Variants in APBA1 observed in about 807,000 individuals in gnomAD.
The protein encoded by APBA1 is amyloid-beta A4 precursor protein-binding family A member 1.
In APBA1, 55 loss-of-function variants were observed where a neutral mutation model predicts 86.6. The ratio of observed to expected loss-of-function variants is 0.64; its 90% CI spans 0.51 to 0.80. The LOEUF is 0.80. APBA1 is among the 30% of genes least tolerant of loss of function. The pLI is 0.00. For synonymous variants in APBA1, 511 were observed against 493.9 expected (o/e 1.03, Z -0.46); for missense variants, 1,090 against 1,183.0 (o/e 0.92, Z 1.15).
chr9:69,546,504 G>T (rs1836700038), intron 1 of APBA1, among the ~76,000 whole-genome samples: 1 of 152,174 alleles, frequency 6.6e-6, no homozygotes, highest in Non-Finnish European at 1.5e-5. Context: ...CACGGTCACA[G>T]ATCCATTCCT....
At chr9:69,646,500 A>G (rs752241834) in intron 1 of APBA1, among the ~76,000 whole-genome samples, 7 of 151,470 alleles carry the variant, frequency 4.6e-5, no homozygotes, top group Non-Finnish European at 1.0e-4. Flanking sequence ...AGGTTTCTCT[A>G]CTCCCACCCC....
intron 1 of APBA1, among the ~76,000 whole-genome samples, chr9:69,531,574 C>T (rs1836434437): frequency 6.6e-6 from 1 of 152,160 alleles, no homozygotes; most frequent in Non-Finnish European, 1.5e-5. Flanking sequence ...CTCCCTTTTG[C>T]CTTATGTGTC....
At chr9:69,658,216 C>G (rs1271738565) in intron 1 of APBA1, among the ~76,000 whole-genome samples, 1 of 148,788 alleles carries the variant, frequency 6.7e-6, no homozygotes, top group Non-Finnish European at 1.5e-5. Flanking sequence ...TACTCAAGTC[C>G]TTTCTCTCTT....
At chr9:69,449,470 T>A in intron 10 of APBA1, 114 bp downstream of exon 10, 1 of 984,370 alleles carries the variant, frequency 1.0e-6, no homozygotes, top group South Asian at 1.5e-5. Flanking sequence ...GTTTGTGTCT[T>A]CCTTGGTGCC....
intron 1 of APBA1, among the ~76,000 whole-genome samples, chr9:69,652,348 G>A (rs1823522061): frequency 6.6e-6 from 1 of 152,170 alleles, no homozygotes; most frequent in Admixed American, 6.5e-5. Context: ...AAATCTAAGG[G>A]CTAGTCAGAG....
intron 1 of APBA1, among the ~76,000 whole-genome samples, chr9:69,606,479 C>CTTT (rs35083481): frequency 0.011 from 576 of 50,906 alleles, 159 homozygotes; most frequent in East Asian, 0.041. Context: ...AGGGAGCTAG[C>CTTT]TTTTTTTTTT....
At chr9:69,477,361 G>A (rs1210785225) in intron 2 of APBA1, among the ~76,000 whole-genome samples, 5 of 151,812 alleles carry the variant, frequency 3.3e-5, no homozygotes. Context: ...AGGGGTGACG[G>A]ACGCACCTGG....
At chr9:69,668,055 T>C (rs749002203) in intron 1 of APBA1, among the ~76,000 whole-genome samples, 39 of 152,256 alleles carry the variant, frequency 2.6e-4, no homozygotes, top group Non-Finnish European at 5.3e-4. Context: ...GTTCCTGTCC[T>C]CTTCTTTCTC....
At chr9:69,640,232 T>G (rs572597244) in intron 1 of APBA1, among the ~76,000 whole-genome samples, 148 of 152,272 alleles carry the variant, frequency 9.7e-4, no homozygotes, top group African/African-American at 3.4e-3. Context: ...CAAAAAATGT[T>G]GCTTTAAAAC....
intron 1 of APBA1, among the ~76,000 whole-genome samples, chr9:69,606,555 G>A (rs1004548999): frequency 2.0e-4 from 25 of 127,268 alleles, no homozygotes; most frequent in African/African-American, 4.1e-4. Flanking sequence ...GCAGTGGCAC[G>A]ATCTCGGCTC....
chr9:69,645,198 G>T (rs1196978715), intron 1 of APBA1, among the ~76,000 whole-genome samples: 1 of 152,144 alleles, frequency 6.6e-6, no homozygotes, highest in Non-Finnish European at 1.5e-5. Context: ...TAACTTGTAT[G>T]TTTTTTATTA....
rs1198419946 is a variant in APBA1 at position 69,602,305 on chromosome 9, C to T, written c.-70+69848G>A. On this transcript the variant is annotated intron_variant, in intron 1 of 12. Coordinates refer to ENST00000265381, the MANE Select transcript of APBA1 (RefSeq NM_001163.4). ...ACACATACCTGGCGGGGCGCGGTTG[C>T]TCAAGCCTGTAATCCCAGCACTTTG... Among the ~76,000 whole-genome samples the T allele has an allele frequency of 3.3e-5, 5 of 152,276 alleles. No homozygotes were observed. In the East Asian group the frequency reaches 9.6e-4, roughly 29 times the overall value.
Position 69,516,759 on chromosome 9 carries a change from T to G in APBA1, c.452A>C (p.His151Pro), listed in dbSNP as rs926398593. Residue 151 changes from histidine to proline, a missense_variant, in exon 2 of 13, where the codon CAC (histidine) becomes CCC (proline). Around this residue, in one of 6 missense-constraint regions of APBA1, gnomAD observed 678 missense variants for 647.1 expected, o/e 1.05. Coordinates refer to ENST00000265381, the MANE Select transcript of APBA1 (RefSeq NM_001163.4). This position sits in a 1 kb window ranked among gnomAD's most constrained non-coding sequence, Gnocchi z 7.3. Reference sequence around the variant, plus strand: ...TTCCTCGTGCTCCAGCGAGTGGAAGTGCAGGTGGTTGGGCAGCGCGCGGCG... The same window carrying G: ...TTCCTCGTGCTCCAGCGAGTGGAAGGGCAGGTGGTTGGGCAGCGCGCGGCG... ...THRRALPNHL[H>P]FHSLEHEEAM... is the part of the protein sequence containing the mutation. 5.6e-6 allele frequency: 9 copies of G among 1,611,944 alleles called. No homozygotes were observed. The highest frequency in any genetic ancestry group is 7.6e-6 in the Non-Finnish European group (9 of 1,179,514).
intron 1 of APBA1, among the ~76,000 whole-genome samples, chr9:69,532,809 G>T (rs1376516667): frequency 6.6e-6 from 1 of 152,168 alleles, no homozygotes; most frequent in Non-Finnish European, 1.5e-5. Context: ...CCCTTGATTT[G>T]CAATCATTAA....
chr9:69,631,180 A>G (rs911945249), intron 1 of APBA1, among the ~76,000 whole-genome samples: 1 of 152,204 alleles, frequency 6.6e-6, no homozygotes, highest in Admixed American at 6.5e-5. Context: ...GATATCCAGA[A>G]TCTACAAAGA....
At chr9:69,604,169 T>G (rs1588389208) in intron 1 of APBA1, among the ~76,000 whole-genome samples, 1 of 151,970 alleles carries the variant, frequency 6.6e-6, no homozygotes, top group East Asian at 1.9e-4. Context: ...TGTGGGGGGG[T>G]GTGCACATGA....
At chr9:69,574,848 CA>C (rs968157316) in intron 1 of APBA1, among the ~76,000 whole-genome samples, 2 of 152,154 alleles carry the variant, frequency 1.3e-5, no homozygotes, top group African/African-American at 4.8e-5. Flanking sequence ...CAGGGTAGAG[CA>C]GCACAGGGAG....
chr9:69,506,009 A>C (rs1835955294), intron 2 of APBA1, among the ~76,000 whole-genome samples: 1 of 151,074 alleles, frequency 6.6e-6, no homozygotes, highest in African/African-American at 2.4e-5. Flanking sequence ...ACAGAGCAAG[A>C]CTCCATCTAA....
intron 2 of APBA1, among the ~76,000 whole-genome samples, chr9:69,489,663 A>G (rs1835670639): frequency 1.3e-5 from 2 of 152,132 alleles, no homozygotes; most frequent in Non-Finnish European, 2.9e-5. Flanking sequence ...AAGTGGGCGA[A>G]GGACATGAAC....
Sources: gnomAD v4.1 joint callset for allele counts (sites outside exome capture counted in the v4.1 genomes callset) on GRCh38, gnomAD v4.1.1 for gene constraint, gnomAD v4.1.1 regional missense constraint, Gnocchi (gnomAD v3.1) non-coding constraint, MANE v1.5 for transcripts, NCBI Gene and HGNC (gene_info 2026-07-23, HGNC 2026-07-21) for gene names.